IL1RAPL1: variants seen among roughly 807,000 people sequenced by gnomAD.
The protein encoded by IL1RAPL1 is interleukin 1 receptor accessory protein like 1.
In IL1RAPL1, 3 loss-of-function variants were observed where a neutral mutation model predicts 48.4. The observed-to-expected ratio is 0.06, with a 90% CI of 0.03 to 0.16. IL1RAPL1 has a LOEUF of 0.16. Among genes scored for constraint, IL1RAPL1 ranks in the 10% least tolerant of loss-of-function variants. The pLI is 1.00. For missense variants in IL1RAPL1, 349 were observed against 530.6 expected (o/e 0.66, Z 3.36); for synonymous variants, 185 against 187.7 (o/e 0.99, Z 0.12).
rs370603727 is a variant in IL1RAPL1 at position 29,337,330 on chromosome X, T to G, written c.362+54113T>G. ...TCAATCTTAAATTTTAAGCTGACTG[T>G]GGACTATTTTATCTTAAAGCATTGT... On this transcript the variant is annotated intron_variant, in intron 3 of 10. Transcript: ENST00000378993. Among the ~76,000 whole-genome samples the G allele has an allele frequency of 7.1e-5, 8 of 112,263 alleles. No homozygotes were observed. In the East Asian group the frequency reaches 1.1e-3, roughly 16 times the overall value.
At chrX:29,442,103 G>A (rs1934553231) in intron 5 of IL1RAPL1, among the ~76,000 whole-genome samples, 1 of 111,816 alleles carries the variant, frequency 8.9e-6, no homozygotes, top group Admixed American at 9.5e-5. Flanking sequence ...CATAGCCAAA[G>A]CAAGGCTAAG....
chrX:29,541,144 G>T (rs1373442676), intron 5 of IL1RAPL1, among the ~76,000 whole-genome samples: 1 of 112,011 alleles, frequency 8.9e-6, no homozygotes, highest in Admixed American at 9.5e-5. Context: ...CTTCTCAAAA[G>T]AAGACATATA....
intron 6 of IL1RAPL1, among the ~76,000 whole-genome samples, chrX:29,887,667 T>C (rs1240088125): frequency 8.9e-6 from 1 of 111,998 alleles, no homozygotes; most frequent in Non-Finnish European, 1.9e-5. Context: ...TCATTTTTTT[T>C]TTTGTAAATT....
At chrX:29,463,713 C>T (rs777046672) in intron 5 of IL1RAPL1, among the ~76,000 whole-genome samples, 3 of 111,771 alleles carry the variant, frequency 2.7e-5, no homozygotes, top group African/African-American at 6.5e-5. Context: ...AGATTGTGAG[C>T]GGCCTTATAG....
chrX:28,895,985 C>T (rs759700438), intron 2 of IL1RAPL1, among the ~76,000 whole-genome samples: 15 of 112,187 alleles, frequency 1.3e-4, no homozygotes, highest in East Asian at 1.1e-3. Flanking sequence ...ACAGATGGCA[C>T]GCGGCTTAGG....
chrX:28,994,076 A>C (rs1437305084), intron 2 of IL1RAPL1, among the ~76,000 whole-genome samples: 1 of 111,059 alleles, frequency 9.0e-6, no homozygotes, highest in African/African-American at 3.3e-5. Flanking sequence ...TAAGAAAAAA[A>C]AAAGTATGAT....
chrX:29,942,541 AAACT>A (rs1933147865), intron 9 of IL1RAPL1, among the ~76,000 whole-genome samples: 1 of 111,764 alleles, frequency 8.9e-6, no homozygotes, highest in Non-Finnish European at 1.9e-5. Flanking sequence ...AAAGGAAAAT[AAACT>A]AAGATAAACC....
chrX:28,722,432 C>A (rs779164496), intron 1 of IL1RAPL1, among the ~76,000 whole-genome samples: 1 of 111,356 alleles, frequency 9.0e-6, no homozygotes, highest in African/African-American at 3.3e-5. Context: ...GATTTTTGCA[C>A]ATTGATTTTG....
intron 3 of IL1RAPL1, among the ~76,000 whole-genome samples, chrX:29,331,554 A>C (rs952998622): frequency 9.0e-6 from 1 of 111,649 alleles, no homozygotes; most frequent in Non-Finnish European, 1.9e-5. Context: ...TAAAATCTGA[A>C]AGTCACCAAG....
At chrX:29,683,516 A>T (rs1926524561) in intron 6 of IL1RAPL1, among the ~76,000 whole-genome samples, 1 of 112,278 alleles carries the variant, frequency 8.9e-6, no homozygotes, top group African/African-American at 3.2e-5. Context: ...GTCTCATTTC[A>T]TCTTTTCAAC....
intron 5 of IL1RAPL1, among the ~76,000 whole-genome samples, chrX:29,586,850 A>G (rs1923183588): frequency 1.8e-5 from 2 of 111,635 alleles, no homozygotes; most frequent in Non-Finnish European, 3.8e-5. Flanking sequence ...GTTAGTATAT[A>G]GAAACACAGC....
chrX:29,469,964 G>A (rs769287862), intron 5 of IL1RAPL1, among the ~76,000 whole-genome samples: 10 of 112,086 alleles, frequency 8.9e-5, no homozygotes, highest in East Asian at 2.8e-4. Flanking sequence ...CAAGAAAATC[G>A]TGACTTCAAT....
chrX:29,446,351 T>C (rs1357217524), intron 5 of IL1RAPL1, among the ~76,000 whole-genome samples: 2 of 112,129 alleles, frequency 1.8e-5, no homozygotes, highest in Non-Finnish European at 3.8e-5. Context: ...CATTTTTTTA[T>C]AATTTATTTT....
At chrX:29,062,650 G>A (rs1569229080) in intron 2 of IL1RAPL1, among the ~76,000 whole-genome samples, 1 of 112,004 alleles carries the variant, frequency 8.9e-6, no homozygotes, top group Admixed American at 9.4e-5. Context: ...ATTTGTGCTT[G>A]TATAATTCTC....
chrX:29,638,957 C>CGGGTAG (rs1925067417), intron 5 of IL1RAPL1, among the ~76,000 whole-genome samples: 2 of 111,583 alleles, frequency 1.8e-5, no homozygotes, highest in South Asian at 7.5e-4. Flanking sequence ...GAGGCTGAGA[C>CGGGTAG]GGGTAGATCA....
At chrX:29,568,772 A>G (rs1394353633) in intron 5 of IL1RAPL1, among the ~76,000 whole-genome samples, 1 of 111,681 alleles carries the variant, frequency 9.0e-6, no homozygotes. Context: ...TTTATAACTG[A>G]ATATGGTATA....
intron 2 of IL1RAPL1, among the ~76,000 whole-genome samples, chrX:29,257,204 C>G (rs1931771592): frequency 9.0e-6 from 1 of 111,364 alleles, no homozygotes; most frequent in African/African-American, 3.3e-5. Flanking sequence ...CCTAGTATGT[C>G]TCTGAAACTT....
chrX:28,948,971 G>A (rs1367849853), intron 2 of IL1RAPL1, among the ~76,000 whole-genome samples: 3 of 110,601 alleles, frequency 2.7e-5, no homozygotes, highest in Admixed American at 1.9e-4. Context: ...ACATTCCCAC[G>A]GGCAACTGAA....
At chrX:29,210,502 T>C (rs1009618219) in intron 2 of IL1RAPL1, among the ~76,000 whole-genome samples, 1 of 112,521 alleles carries the variant, frequency 8.9e-6, no homozygotes, top group African/African-American at 3.2e-5. Context: ...AATGTGATCT[T>C]AGATATTTTA....
Sources: gnomAD v4.1 joint callset for allele counts (sites outside exome capture counted in the v4.1 genomes callset) on GRCh38, gnomAD v4.1.1 for gene constraint, MANE v1.5 for transcripts, NCBI Gene and HGNC (gene_info 2026-07-23, HGNC 2026-07-21) for gene names.